SPTBN4: variants seen among roughly 807,000 people sequenced by gnomAD.
The protein encoded by SPTBN4 is spectrin beta, non-erythrocytic 4.
A neutral mutation model predicts 277.8 loss-of-function variants in SPTBN4; 96 were observed. The observed-to-expected ratio is 0.35, with a 90% confidence interval of 0.29 to 0.41. SPTBN4 has a LOEUF of 0.41. SPTBN4 is among the 10% of genes least tolerant of loss of function. The pLI is 1.00. For missense variants in SPTBN4, 3,006 were observed against 3,595.7 expected (o/e 0.84, Z 4.19); for synonymous variants, 1,481 against 1,580.3 (o/e 0.94, Z 1.49).
chr19:40,474,053 G>A (rs2145800901), intron 2 of SPTBN4, among the ~76,000 whole-genome samples: 1 of 149,376 alleles, frequency 6.7e-6, no homozygotes, highest in East Asian at 2.0e-4. Flanking sequence ...TTGGGAGGCT[G>A]AGGTGGGAGG....
chr19:40,553,626 A>G (rs1173602618), intron 22 of SPTBN4, among the ~76,000 whole-genome samples: 1 of 152,210 alleles, frequency 6.6e-6, no homozygotes, highest in Non-Finnish European at 1.5e-5. Context: ...ACAAAACGTT[A>G]AATAAGGTAC....
intron 2 of SPTBN4, among the ~76,000 whole-genome samples, chr19:40,481,711 G>A (rs1408869686): frequency 6.6e-6 from 1 of 151,998 alleles, no homozygotes; most frequent in Non-Finnish European, 1.5e-5. Context: ...CCTGACCTCA[G>A]GTGATCTGCC....
intron 6 of SPTBN4, among the ~76,000 whole-genome samples, chr19:40,495,666 C>CA (rs902848679): frequency 2.7e-5 from 4 of 150,492 alleles, no homozygotes; most frequent in South Asian, 2.1e-4. Flanking sequence ...CCACCACCAC[C>CA]AAAAAAAAGA....
intron 1 of SPTBN4, among the ~76,000 whole-genome samples, chr19:40,470,268 G>A (rs886845809): frequency 2.6e-5 from 4 of 151,988 alleles, no homozygotes; most frequent in South Asian, 2.1e-4. Context: ...CTAAGTGCCA[G>A]GATAACAGGC....
Position 40,506,247 on chromosome 19 carries a change from G to A in SPTBN4, c.1677G>A (p.Leu559=), listed in dbSNP as rs147556737. Residue 559 remains leucine, a synonymous_variant, in exon 13 of 36, where the codon CTG becomes CTA. Transcript: ENST00000598249. ...GTCCCCGCTTGTAGGCTCAGCTGCT[G>A]TCCCGGGAGTGTGGGCAGCACCTGG... ...DWMEEMQAQL[L]SRECGQHLVE... is the part of the protein sequence containing the mutation. The A allele has an allele frequency of 2.2e-4, 351 of 1,612,594 alleles. 1 individual carries two copies. In the East Asian group the frequency reaches 7.7e-3, roughly 36 times the overall value.
chr19:40,560,253 A>G lies in SPTBN4; in HGVS notation c.5765A>G (p.Gln1922Arg), dbSNP rs2081028489. The change falls in exon 27 of 36, where the codon CAG becomes CGG. Residue 1922 changes from glutamine (Q) to arginine (R), a missense_variant. By Grantham distance (43) the Gln-to-Arg change is conservative. Transcript: ENST00000598249. This position sits in a 1 kb window ranked among gnomAD's most constrained non-coding sequence, Gnocchi z 5.2. ...GCTAGCCGGGAGCAGGAGGTGCTGC[A>G]GGGTTGGAAAGAGCTGCTGTCAGCC... ...AIASREQEVL[Q>R]GWKELLSACE... 1 of 1,613,520 alleles carries G rather than the reference A, an allele frequency of 6.2e-7. No individual in the cohort carries two copies. Among genetic ancestry groups the G allele is most frequent in the Non-Finnish European group, 8.5e-7 (1 of 1,179,970 alleles).
At chr19:40,571,984 G>A in intron 33 of SPTBN4, 35 bp from the exon 34 acceptor site, 1 of 1,511,946 alleles carries the variant, frequency 6.6e-7, no homozygotes. Flanking sequence ...GCAGAGTGCT[G>A]CGGCTCTGCC....
chr19:40,497,676 A>G (rs896491358), intron 7 of SPTBN4, 72 bp downstream of exon 7: 2 of 1,213,490 alleles, frequency 1.6e-6, no homozygotes, highest in Non-Finnish European at 2.4e-6. Flanking sequence ...GTCACACTCA[A>G]CTCCATCCCA....
At chr19:40,508,071 C>T (rs2080349680) in intron 13 of SPTBN4, among the ~76,000 whole-genome samples, 1 of 152,206 alleles carries the variant, frequency 6.6e-6, no homozygotes, top group Non-Finnish European at 1.5e-5. Context: ...CATCATTGCT[C>T]AGCCAATCAT....
At chr19:40,566,125 G>T (rs1034530530) in intron 29 of SPTBN4, 38 bp from the exon 30 acceptor site, 17 of 1,457,792 alleles carry the variant, frequency 1.2e-5, no homozygotes, top group Admixed American at 2.7e-5. Flanking sequence ...AAGGGCCCCA[G>T]ATGCCCCAGA....
In SPTBN4 at chr19:40,554,552, C is replaced by T. The variant is rs750326965; in HGVS notation, c.4990C>T (p.Leu1664=). 2.0e-6 allele frequency: 3 copies of T among 1,503,274 alleles called. No homozygotes were observed. The highest frequency in any genetic ancestry group is 1.3e-5 in the South Asian group (1 of 74,768). 93.1% of individuals were successfully genotyped at this position (1,503,274 alleles called of 1,614,324 possible). ...CACCCTGCAGCTGCTCAAGAAACAC[C>T]TGCAGCTGGAGCAAGGCGTGGAGAA... is the stretch of plus-strand genomic sequence containing the variant. ...QSTLQLLKKH[L]QLEQGVENYE... The change falls in exon 24 of 36, where the codon CTG becomes TTG. Residue 1664 remains leucine (L), a synonymous_variant. Coordinates refer to ENST00000598249, the MANE Select transcript of SPTBN4 (RefSeq NM_020971.3). This position sits in a 1 kb window ranked among gnomAD's most constrained non-coding sequence, Gnocchi z 5.7.
chr19:40,479,257 C>T (rs1016542716), intron 2 of SPTBN4, among the ~76,000 whole-genome samples: 2 of 152,046 alleles, frequency 1.3e-5, no homozygotes, highest in Admixed American at 6.6e-5. Flanking sequence ...AGTTTGAGAC[C>T]GACCTGGACA....
rs571213140 is a variant in SPTBN4 at position 40,557,004 on chromosome 19, C to T, written c.5290-19C>T. Reference sequence around the variant, plus strand: ...TTTGCTCACTTTGCTGTACCCCCCCCCCCACTTCCTGATGGCAGGTGCTGC... The same window carrying T: ...TTTGCTCACTTTGCTGTACCCCCCCTCCCACTTCCTGATGGCAGGTGCTGC... On this transcript the variant is annotated intron_variant, in intron 25 of 35. Transcript: ENST00000598249. 2.6e-6 allele frequency: 4 copies of T among 1,528,078 alleles called. No individual in the cohort carries two copies. The African/African-American group carries it at 4.1e-5, about 16-fold the overall frequency. The allele number at this position is 1,528,078 out of a possible 1,614,324, so 94.7% of individuals were successfully genotyped here. A position where few individuals can be genotyped will look rare whatever the true frequency, so the allele number is the denominator to read the frequency against.
Position 40,502,361 on chromosome 19 carries a change from G to T in SPTBN4, c.1086-29G>T. 2 of 1,609,300 alleles carry T rather than the reference G, an allele frequency of 1.2e-6. No homozygotes were observed. Among genetic ancestry groups the T allele is most frequent in the Non-Finnish European group, 8.5e-7 (1 of 1,177,226 alleles). On this transcript the variant is annotated intron_variant, in intron 9 of 35. Coordinates refer to ENST00000598249, the MANE Select transcript of SPTBN4 (RefSeq NM_020971.3). The surrounding 1 kb of genome is among the most constrained non-coding windows in gnomAD (Gnocchi z 4.9). ...GAGGGTGGGCAGGGGTGGCATGACG[G>T]CAGGGCTCCTGAGCTCATGCCCCTT...
At chr19:40,518,453 A>G in intron 15 of SPTBN4, among the ~76,000 whole-genome samples, 1 of 152,036 alleles carries the variant, frequency 6.6e-6, no homozygotes, top group Non-Finnish European at 1.5e-5. Context: ...ATTTTGAGAC[A>G]GGGTCTCATT....
intron 16 of SPTBN4, among the ~76,000 whole-genome samples, chr19:40,523,099 A>G (rs1024343773): frequency 1.3e-5 from 2 of 152,178 alleles, no homozygotes; most frequent in African/African-American, 4.8e-5. Context: ...GCACCACTGC[A>G]TCCAGCCTGG....
chr19:40,473,316 C>G (rs1285652327), intron 2 of SPTBN4, among the ~76,000 whole-genome samples: 1 of 146,670 alleles, frequency 6.8e-6, no homozygotes, highest in Non-Finnish European at 1.5e-5. Context: ...TCCCAAAGTG[C>G]TGGGATTACA....
In SPTBN4 at chr19:40,513,112, C is replaced by T. The variant is rs976840112; in HGVS notation, c.2323C>T (p.Leu775=). ...GCGGCGGCTGCAGGAGGCGCGGGCG[C>T]TGCACCAGTTCGGCGCTGACCTCGA... is the stretch of plus-strand genomic sequence containing the variant. ...RERRLQEARA[L]HQFGADLDGL... The change falls in exon 14 of 36, where the codon CTG becomes TTG. Residue 775 remains leucine (L), a synonymous_variant. Transcript: ENST00000598249. 2 of 1,460,840 alleles carry T rather than the reference C, an allele frequency of 1.4e-6. No homozygotes were observed. The highest frequency in any genetic ancestry group is 1.5e-5 in the African/African-American group (1 of 67,572). 90.5% of individuals were successfully genotyped at this position (1,460,840 alleles called of 1,614,324 possible). A position where few individuals can be genotyped will look rare whatever the true frequency, so the allele number is the denominator to read the frequency against.
chr19:40,550,311 A>G lies in SPTBN4; in HGVS notation c.4658A>G (p.His1553Arg). The G allele has an allele frequency of 6.2e-7, 1 of 1,609,818 alleles. No homozygotes were observed. Among genetic ancestry groups the G allele is most frequent in the Non-Finnish European group, 8.5e-7 (1 of 1,179,998 alleles). ...AACGGTTTGCAGGCGGTCCAGCAGC[A>G]CATCAAAAAGAACCAGGTGAGCAGA... ...RGNGLQAVQQ[H>R]IKKNQGLRRE... Residue 1553 changes from histidine (H) to arginine (R), a missense_variant, in exon 22 of 36, where the codon CAC (histidine) becomes CGC (arginine). Coordinates refer to ENST00000598249, the MANE Select transcript of SPTBN4 (RefSeq NM_020971.3).
Sources: gnomAD v4.1 joint callset for allele counts (sites outside exome capture counted in the v4.1 genomes callset) on GRCh38, gnomAD v4.1.1 for gene constraint, Gnocchi (gnomAD v3.1) non-coding constraint, MANE v1.5 for transcripts, NCBI Gene and HGNC (gene_info 2026-07-23, HGNC 2026-07-21) for gene names.